The following PCDH11X variants were observed in gnomAD, a reference collection of about 807,000 sequenced individuals.
PCDH11X encodes the protein protocadherin-11 X-linked.
A neutral mutation model predicts 53.3 loss-of-function variants in PCDH11X; 18 were observed. The observed-to-expected ratio is 0.34, with a 90% confidence interval of 0.23 to 0.50. The LOEUF (loss-of-function observed/expected upper bound fraction) is 0.50, where lower values mean the gene tolerates loss of function less well. PCDH11X is among the 20% of genes least tolerant of loss of function. The probability of loss-of-function intolerance (pLI) is 0.98; values close to 1 mark genes in which losing one functional copy is unlikely to be tolerated. For synonymous variants in PCDH11X, 279 were observed against 393.3 expected (o/e 0.71, Z 3.44); for missense variants, 570 against 1,032.4 (o/e 0.55, Z 6.14).
chrX:92,349,786 C>T (rs949585752), intron 8 of PCDH11X, among the ~76,000 whole-genome samples: 1 of 111,096 alleles, frequency 9.0e-6, no homozygotes, highest in Non-Finnish European at 1.9e-5. Flanking sequence ...ATATTCAGCA[C>T]TTTACTATAA....
At chrX:92,201,257 G>A in intron 6 of PCDH11X, 118 bp from the exon 7 acceptor site, 1 of 990,179 alleles carries the variant, frequency 1.0e-6, no homozygotes, top group Non-Finnish European at 1.3e-6. Context: ...TGTCTAAAAA[G>A]AGATAATCTA....
chrX:92,529,169 G>T (rs937919066), intron 10 of PCDH11X, among the ~76,000 whole-genome samples: 1 of 111,861 alleles, frequency 8.9e-6, no homozygotes, highest in African/African-American at 3.3e-5. Flanking sequence ...ACCGAAATAG[G>T]CAGTGATTAG....
At chrX:92,393,206 T>C (rs2071170720) in intron 9 of PCDH11X, among the ~76,000 whole-genome samples, 1 of 110,934 alleles carries the variant, frequency 9.0e-6, no homozygotes, top group Non-Finnish European at 1.9e-5. Context: ...AAAGAAATTA[T>C]GCTCCCTTTA....
intron 6 of PCDH11X, among the ~76,000 whole-genome samples, chrX:92,077,052 C>T (rs956610620): frequency 9.0e-5 from 10 of 111,720 alleles, no homozygotes; most frequent in African/African-American, 3.3e-4. Flanking sequence ...TCTTTTTATA[C>T]ACATCATTTG....
intron 5 of PCDH11X, among the ~76,000 whole-genome samples, chrX:91,837,835 A>T (rs1937359854): frequency 9.0e-6 from 1 of 111,617 alleles, no homozygotes; most frequent in African/African-American, 3.3e-5. Context: ...AGTCACACGT[A>T]GCTGTAGAGT....
intron 6 of PCDH11X, among the ~76,000 whole-genome samples, chrX:91,989,572 A>C (rs1174567267): frequency 1.1e-5 from 1 of 91,335 alleles, no homozygotes. Flanking sequence ...CAAAAACAAC[A>C]ACAAAAAAAA....
intron 7 of PCDH11X, among the ~76,000 whole-genome samples, chrX:92,249,666 A>T (rs1160981520): frequency 8.9e-6 from 1 of 112,295 alleles, no homozygotes; most frequent in Admixed American, 9.4e-5. Context: ...AGTAGCCATA[A>T]TATTCTGCTT....
chrX:92,313,304 A>G (rs189773379), intron 8 of PCDH11X, among the ~76,000 whole-genome samples: 131 of 110,422 alleles, frequency 1.2e-3, no homozygotes, highest in African/African-American at 4.1e-3. Flanking sequence ...TGCAGATGAT[A>G]ACACAGAGCC....
intron 5 of PCDH11X, among the ~76,000 whole-genome samples, chrX:91,855,295 A>G (rs1938263637): frequency 9.0e-6 from 1 of 111,511 alleles, no homozygotes; most frequent in Non-Finnish European, 1.9e-5. Context: ...CTTGTCAAAC[A>G]TTATTTCACT....
intron 7 of PCDH11X, among the ~76,000 whole-genome samples, chrX:92,204,196 T>A (rs1432421253): frequency 8.9e-6 from 1 of 112,196 alleles, no homozygotes; most frequent in Non-Finnish European, 1.9e-5. Context: ...TTTCCCATTG[T>A]CTTGGTGATT....
At position 92,274,321 on chromosome X, in the gene PCDH11X, G is replaced by T. The variant is rs148432102; in HGVS notation, c.3144+11178G>T. Among the ~76,000 whole-genome samples the T allele has an allele frequency of 7.0e-3, 739 of 105,929 alleles. 13 individuals carry two copies. Among genetic ancestry groups the T allele is most frequent in the African/African-American group, 0.026 (688 of 26,350 alleles). 92.0% of individuals were successfully genotyped at this position (105,929 alleles called of 115,157 possible). A position where few individuals can be genotyped will look rare whatever the true frequency, so the allele number is the denominator to read the frequency against. ...TCTACTTTTCTTGTAGACGGAGGAC[G>T]GTAAGGGATATAATGGTTTCACTGA... On this transcript the variant is annotated intron_variant, in intron 8 of 10. Coordinates refer to ENST00000682573, the MANE Select transcript of PCDH11X (RefSeq NM_032968.5).
intron 8 of PCDH11X, among the ~76,000 whole-genome samples, chrX:92,290,369 G>C: frequency 9.0e-6 from 1 of 111,364 alleles, no homozygotes; most frequent in East Asian, 2.8e-4. Flanking sequence ...GAAATAACCA[G>C]AAAGGAGCAA....
intron 6 of PCDH11X, among the ~76,000 whole-genome samples, chrX:92,103,942 G>A (rs1489270505): frequency 9.0e-6 from 1 of 111,618 alleles, no homozygotes; most frequent in East Asian, 2.8e-4. Context: ...GTAATAAAAT[G>A]TATATTGAGA....
intron 10 of PCDH11X, among the ~76,000 whole-genome samples, chrX:92,492,241 A>T (rs1474860849): frequency 1.8e-5 from 2 of 112,000 alleles, no homozygotes; most frequent in Non-Finnish European, 3.8e-5. Context: ...CAATTTGAAG[A>T]ATTAGAAACT....
At chrX:92,046,624 A>G (rs1333484922) in intron 6 of PCDH11X, among the ~76,000 whole-genome samples, 1 of 110,935 alleles carries the variant, frequency 9.0e-6, no homozygotes, top group Non-Finnish European at 1.9e-5. Context: ...TAAAAAAAGC[A>G]AGACAGGGGT....
chrX:91,850,231 A>T (rs1278925994), intron 5 of PCDH11X, among the ~76,000 whole-genome samples: 1 of 110,365 alleles, frequency 9.1e-6, no homozygotes, highest in Non-Finnish European at 1.9e-5. Flanking sequence ...GGGATTTTTA[A>T]GAGAATTATA....
intron 10 of PCDH11X, among the ~76,000 whole-genome samples, chrX:92,546,980 C>T (rs946481254): frequency 1.8e-5 from 2 of 110,791 alleles, no homozygotes; most frequent in African/African-American, 3.3e-5. Context: ...CGCCTTAGCA[C>T]AGTATCTTAT....
At chrX:92,037,696 A>G (rs2759970) in intron 6 of PCDH11X, among the ~76,000 whole-genome samples, 8 of 110,764 alleles carry the variant, frequency 7.2e-5, no homozygotes, top group African/African-American at 2.6e-4. Context: ...TTCACAGCCT[A>G]CAGCATCTAT....
At chrX:92,185,011 A>G (rs1462978956) in intron 6 of PCDH11X, among the ~76,000 whole-genome samples, 2 of 111,849 alleles carry the variant, frequency 1.8e-5, no homozygotes, top group African/African-American at 6.5e-5. Context: ...ATTCAGAATA[A>G]TATCACCACC....
Sources: gnomAD v4.1 joint callset for allele counts (sites outside exome capture counted in the v4.1 genomes callset) on GRCh38, gnomAD v4.1.1 for gene constraint, MANE v1.5 for transcripts, NCBI Gene and HGNC (gene_info 2026-07-23, HGNC 2026-07-21) for gene names.